The following RABGAP1L variants were observed in gnomAD, a reference collection of about 807,000 sequenced individuals.
RABGAP1L encodes RAB GTPase activating protein 1 like.
In RABGAP1L, 63 loss-of-function variants were observed where a neutral mutation model predicts 137.7. The ratio of observed to expected loss-of-function variants is 0.46; its 90% CI spans 0.37 to 0.56. RABGAP1L has a LOEUF of 0.56. RABGAP1L is among the 20% of genes least tolerant of loss of function. The pLI, the probability that RABGAP1L is intolerant of heterozygous loss-of-function variation, is 0.00. For synonymous variants in RABGAP1L, 431 were observed against 433.7 expected (o/e 0.99, Z 0.08); for missense variants, 1,095 against 1,244.0 (o/e 0.88, Z 1.80).
intron 13 of RABGAP1L, among the ~76,000 whole-genome samples, chr1:174,534,802 A>AAAAAAAAAAAATAAT (rs1553324953): frequency 7.3e-6 from 1 of 137,266 alleles, no homozygotes; most frequent in Non-Finnish European, 1.6e-5. Flanking sequence ...AAAAAAAAAA[A>AAAAAAAAAAAATAAT]AATAATTAGA....
At chr1:174,575,023 C>T (rs1668270537) in intron 13 of RABGAP1L, among the ~76,000 whole-genome samples, 1 of 152,154 alleles carries the variant, frequency 6.6e-6, no homozygotes, top group Admixed American at 6.5e-5. Flanking sequence ...CTCCGCCTCC[C>T]AGGTTCAAGC....
intron 14 of RABGAP1L, among the ~76,000 whole-genome samples, chr1:174,654,400 T>G (rs1308074288): frequency 2.0e-5 from 3 of 152,230 alleles, no homozygotes; most frequent in Non-Finnish European, 4.4e-5. Flanking sequence ...AAAAGAGCAT[T>G]CTATTTCTAT....
At chr1:174,888,381 G>A (rs1008208075) in intron 19 of RABGAP1L, among the ~76,000 whole-genome samples, 12 of 152,124 alleles carry the variant, frequency 7.9e-5, no homozygotes, top group South Asian at 4.1e-4. Context: ...ATCTGATACT[G>A]TCTGAGACAC....
At chr1:174,864,095 A>G (rs1385239268) in intron 19 of RABGAP1L, among the ~76,000 whole-genome samples, 1 of 152,216 alleles carries the variant, frequency 6.6e-6, no homozygotes, top group Non-Finnish European at 1.5e-5. Context: ...GAATTTAGAA[A>G]TTAAATTGAA....
intron 13 of RABGAP1L, among the ~76,000 whole-genome samples, chr1:174,610,716 G>A (rs919750484): frequency 6.6e-6 from 1 of 152,178 alleles, no homozygotes; most frequent in Non-Finnish European, 1.5e-5. Context: ...TCCAGCACCT[G>A]TTCTTTCCTG....
At chr1:174,878,759 AG>A (rs1345864604) in intron 19 of RABGAP1L, among the ~76,000 whole-genome samples, 2 of 152,110 alleles carry the variant, frequency 1.3e-5, no homozygotes, top group African/African-American at 4.8e-5. Context: ...TGATTTTAAA[AG>A]ACTTAAGGGT....
chr1:174,840,554 G>A (rs1385951886), intron 19 of RABGAP1L, among the ~76,000 whole-genome samples: 2 of 150,506 alleles, frequency 1.3e-5, no homozygotes, highest in Admixed American at 1.3e-4. Context: ...ACTCACGCCT[G>A]TAATCCCAGC....
chr1:174,682,150 G>A (rs1572791734), intron 14 of RABGAP1L, among the ~76,000 whole-genome samples: 1 of 151,898 alleles, frequency 6.6e-6, no homozygotes, highest in African/African-American at 2.4e-5. Context: ...GTGTGGTGGT[G>A]GGCCCTTGTA....
intron 13 of RABGAP1L, among the ~76,000 whole-genome samples, chr1:174,584,530 C>T (rs897511288): frequency 1.3e-5 from 2 of 152,158 alleles, no homozygotes; most frequent in Non-Finnish European, 2.9e-5. Flanking sequence ...GAGTTTAAGA[C>T]TAGCCTGGGC....
At chr1:174,757,088 A>T in intron 18 of RABGAP1L, 1 of 498,802 alleles carries the variant, frequency 2.0e-6, no homozygotes, top group East Asian at 5.8e-5. Context: ...GGACTCTGCC[A>T]CAAAGTCTCG....
intron 19 of RABGAP1L, among the ~76,000 whole-genome samples, chr1:174,929,104 T>C (rs942887132): frequency 3.3e-5 from 5 of 152,008 alleles, no homozygotes; most frequent in African/African-American, 4.8e-5. Context: ...TTAGGAGATA[T>C]ACCTAATGTA....
chr1:174,903,860 G>T (rs1473637201), intron 19 of RABGAP1L, among the ~76,000 whole-genome samples: 1 of 151,502 alleles, frequency 6.6e-6, no homozygotes, highest in African/African-American at 2.4e-5. Flanking sequence ...TGAGGCAGGA[G>T]AATCGCTTGA....
intron 1 of RABGAP1L, among the ~76,000 whole-genome samples, chr1:174,188,462 T>C (rs1467085930): frequency 6.6e-6 from 1 of 152,186 alleles, no homozygotes; most frequent in Non-Finnish European, 1.5e-5. Flanking sequence ...GAGATACATA[T>C]AAATAATGTG....
intron 9 of RABGAP1L, among the ~76,000 whole-genome samples, chr1:174,277,373 T>C (rs1675088852): frequency 2.0e-5 from 3 of 152,110 alleles, no homozygotes; most frequent in African/African-American, 7.2e-5. Context: ...GTTGACAGTT[T>C]TGAAGAACAA....
chr1:174,359,538 G>C (rs1683954686), intron 11 of RABGAP1L, among the ~76,000 whole-genome samples: 1 of 152,150 alleles, frequency 6.6e-6, no homozygotes, highest in South Asian at 2.1e-4. Context: ...TGTTTCTTGG[G>C]CATGTTCCTT....
rs200804493 is a variant in RABGAP1L at position 174,957,436 on chromosome 1, G to A, written c.2341-21G>A. On this transcript the variant is annotated intron_variant, in intron 19 of 25. Coordinates refer to ENST00000681986, the MANE Select transcript of RABGAP1L (RefSeq NM_001366446.1). ...ATAAATGGTGTCCTTGTCTAACATG[G>A]TTTTCCTCAAATCCCTGCAGGTACC... 907 of 1,586,226 alleles carry A rather than the reference G, an allele frequency of 5.7e-4. 6 individuals carry two copies. The Middle Eastern group carries it at 5.8e-3, about 10-fold the overall frequency.
intron 11 of RABGAP1L, among the ~76,000 whole-genome samples, chr1:174,354,853 G>T (rs1315995595): frequency 6.6e-6 from 1 of 152,152 alleles, no homozygotes; most frequent in Non-Finnish European, 1.5e-5. Flanking sequence ...TGTAAGGAAG[G>T]GATCCAGTTT....
Position 174,989,521 on chromosome 1 carries a change from C to A in RABGAP1L, c.3004-328C>A, listed in dbSNP as rs573071486. 9.2e-5 allele frequency among the ~76,000 whole-genome samples: 14 copies of A among 152,296 alleles called. No individual in the cohort carries two copies. In the South Asian group the frequency reaches 2.9e-3, roughly 32 times the overall value. On this transcript the variant is annotated intron_variant, in intron 25 of 25. Coordinates refer to ENST00000681986, the MANE Select transcript of RABGAP1L (RefSeq NM_001366446.1). ...CTTCTACTATCAGTAAAAATTCATCCATATGTTTACATTTATTTGTGGTTT... is the reference window on the plus strand; with the variant it reads ...CTTCTACTATCAGTAAAAATTCATCAATATGTTTACATTTATTTGTGGTTT...
At chr1:174,397,483 G>A (rs773187412) in intron 13 of RABGAP1L, among the ~76,000 whole-genome samples, 6 of 152,118 alleles carry the variant, frequency 3.9e-5, no homozygotes, top group Non-Finnish European at 7.4e-5. Context: ...TGTAGCTGTG[G>A]TGACACACCT....
Sources: gnomAD v4.1 joint callset for allele counts (sites outside exome capture counted in the v4.1 genomes callset) on GRCh38, gnomAD v4.1.1 for gene constraint, MANE v1.5 for transcripts, NCBI Gene and HGNC (gene_info 2026-07-23, HGNC 2026-07-21) for gene names.